KCNQ1: variants seen among roughly 807,000 people sequenced by gnomAD.
KCNQ1 encodes the protein potassium voltage-gated channel subfamily Q member 1.
A neutral mutation model predicts 72.4 loss-of-function variants in KCNQ1; 49 were observed. The observed-to-expected ratio is 0.68, with a 90% CI of 0.54 to 0.86. The LOEUF is 0.86. KCNQ1 is among the 40% of genes least tolerant of loss of function. The pLI is 0.00. For synonymous variants in KCNQ1, 450 were observed against 412.6 expected (o/e 1.09, Z -1.10); for missense variants, 790 against 945.1 (o/e 0.84, Z 2.15).
At position 2,676,009 on chromosome 11, in the gene KCNQ1, T is replaced by A; in HGVS notation, c.1514+13928T>A. ...CCCACCCAACCCTAATTCCCAAGTT[T>A]CCTTCCCTAAAGGTTACCACTCAAC... On this transcript the variant is annotated intron_variant, in intron 11 of 15. Coordinates refer to ENST00000155840, the MANE Select transcript of KCNQ1 (RefSeq NM_000218.3). This position sits in a 1 kb window ranked among gnomAD's most constrained non-coding sequence, Gnocchi z 4.2. The A allele has an allele frequency of 2.5e-6, 1 of 398,672 alleles. No individual in the cohort carries two copies. Among genetic ancestry groups the A allele is most frequent in the Admixed American group, 4.4e-5 (1 of 22,738 alleles). The allele number at this position is 398,672 out of a possible 1,614,324, so 24.7% of individuals were successfully genotyped here.
Position 2,579,933 on chromosome 11 carries a change from C to G in KCNQ1, c.922-3502C>G, listed in dbSNP as rs951086641. 4.6e-5 allele frequency among the ~76,000 whole-genome samples: 7 copies of G among 152,282 alleles called. No individual in the cohort carries two copies. Among genetic ancestry groups the G allele is most frequent in the Admixed American group, 4.6e-4 (7 of 15,304 alleles). ...CTCACCTGCTCACCTGACCCCAACTCCACTCTGACTTCCAGGCCAGCCCCA... is the reference window on the plus strand; with the variant it reads ...CTCACCTGCTCACCTGACCCCAACTGCACTCTGACTTCCAGGCCAGCCCCA... On this transcript the variant is annotated intron_variant, in intron 6 of 15. Coordinates refer to ENST00000155840, the MANE Select transcript of KCNQ1 (RefSeq NM_000218.3). This position sits in a 1 kb window ranked among gnomAD's most constrained non-coding sequence, Gnocchi z 6.0.
At chr11:2,829,610 A>C (rs747266923) in intron 15 of KCNQ1, among the ~76,000 whole-genome samples, 3 of 152,170 alleles carry the variant, frequency 2.0e-5, no homozygotes, top group Non-Finnish European at 4.4e-5. Flanking sequence ...TGGAAAGATA[A>C]GGGAGTGGGG....
rs1847923028 is a variant in KCNQ1 at position 2,830,384 on chromosome 11, G to A, written c.1795-17383G>A. ...GAGCTATGACCTGAATGATATCTTAGATGATCTCCAAGGCCCCGGGATCTA... is the reference window on the plus strand; with the variant it reads ...GAGCTATGACCTGAATGATATCTTAAATGATCTCCAAGGCCCCGGGATCTA... On this transcript the variant is annotated intron_variant, in intron 15 of 15. Coordinates refer to ENST00000155840, the MANE Select transcript of KCNQ1 (RefSeq NM_000218.3). The surrounding 1 kb of genome is among the most constrained non-coding windows in gnomAD (Gnocchi z 7.7). 6.6e-6 allele frequency among the ~76,000 whole-genome samples: 1 copy of A among 152,102 alleles called. No homozygotes were observed. Among genetic ancestry groups the A allele is most frequent in the Admixed American group, 6.5e-5 (1 of 15,268 alleles).
intron 15 of KCNQ1, among the ~76,000 whole-genome samples, chr11:2,798,003 C>G (rs1485162732): frequency 2.6e-5 from 4 of 152,206 alleles, no homozygotes; most frequent in East Asian, 1.9e-4. Flanking sequence ...CCAAGTTCAG[C>G]CCTCTCACCC....
At chr11:2,630,122 C>A in intron 10 of KCNQ1, 3 of 398,212 alleles carry the variant, frequency 7.5e-6, no homozygotes, top group Non-Finnish European at 8.9e-6. Context: ...TAGTTTTTAT[C>A]ATGGAAGGAT....
rs1261518930 is a variant in KCNQ1, at chr11:2,764,959, A to T, written c.1515-3885A>T. On this transcript the variant is annotated intron_variant, in intron 11 of 15. Transcript: ENST00000155840. This position sits in a 1 kb window ranked among gnomAD's most constrained non-coding sequence, Gnocchi z 4.8. ...TGAGAACCAAATTTTGGCTTTGTTG[A>T]TTTTCCTTAAATAATGTTCATTTTT... Among the ~76,000 whole-genome samples, 2 of 151,850 alleles carry T rather than the reference A, an allele frequency of 1.3e-5. No individual in the cohort carries two copies. The highest frequency in any genetic ancestry group is 4.8e-5 in the African/African-American group (2 of 41,310).
chr11:2,694,201 G>T, intron 11 of KCNQ1: 1 of 398,670 alleles, frequency 2.5e-6, no homozygotes, highest in Non-Finnish European at 4.4e-6. Context: ...CTTTCTCACC[G>T]AGGTGGTGAG....
intron 2 of KCNQ1, 47 bp downstream of exon 2, chr11:2,528,065 A>G: frequency 6.7e-7 from 1 of 1,494,512 alleles, no homozygotes; most frequent in Non-Finnish European, 9.3e-7. Context: ...CTGCCTTGGA[A>G]GCTGGCATCT....
In KCNQ1 at chr11:2,817,129, C is replaced by T. The variant is rs2134049062; in HGVS notation, c.1795-30638C>T. 6.6e-6 allele frequency among the ~76,000 whole-genome samples: 1 copy of T among 152,310 alleles called. No homozygotes were observed. The highest frequency in any genetic ancestry group is 1.9e-4 in the East Asian group (1 of 5,166). On this transcript the variant is annotated intron_variant, in intron 15 of 15. Coordinates refer to ENST00000155840, the MANE Select transcript of KCNQ1 (RefSeq NM_000218.3). The surrounding 1 kb of genome is among the most constrained non-coding windows in gnomAD (Gnocchi z 6.1). ...CCCAGGCCTGTGGCGCCAGCCTGCA[C>T]CCGGCTCTGCTCCACAGGCCAACTC...
chr11:2,835,362 A>G (rs1848038058), intron 15 of KCNQ1, among the ~76,000 whole-genome samples: 1 of 151,458 alleles, frequency 6.6e-6, no homozygotes, highest in Non-Finnish European at 1.5e-5. Context: ...AGAACCCAGC[A>G]TGTCTCCTGT....
chr11:2,645,714 C>A lies in KCNQ1; in HGVS notation c.1394-16247C>A, dbSNP rs1228019772. The A allele has an allele frequency of 2.5e-6, 1 of 398,652 alleles. No homozygotes were observed. Among genetic ancestry groups the A allele is most frequent in the Non-Finnish European group, 4.4e-6 (1 of 226,266 alleles). 24.7% of individuals were successfully genotyped at this position (398,652 alleles called of 1,614,324 possible). ...TGGAGGGAGCAGTCAGGAGTGGCAA[C>A]CAGCTTTGTGTAAGGGATGTCCATG... is the stretch of plus-strand genomic sequence containing the variant. On this transcript the variant is annotated intron_variant, in intron 10 of 15. Coordinates refer to ENST00000155840, the MANE Select transcript of KCNQ1 (RefSeq NM_000218.3). The surrounding 1 kb of genome is among the most constrained non-coding windows in gnomAD (Gnocchi z 5.8).
At chr11:2,591,585 A>G (rs1848671004) in intron 10 of KCNQ1, among the ~76,000 whole-genome samples, 1 of 152,248 alleles carries the variant, frequency 6.6e-6, no homozygotes, top group Non-Finnish European at 1.5e-5. Context: ...CTGGGGACCC[A>G]GCCTGTGTGC....
Position 2,690,253 on chromosome 11 carries a change from C to T in KCNQ1, c.1514+28172C>T. ...AAGCAAGTCATTCCATGTGGCTGAG[C>T]TGCTCCTTGCTGCATCTGCACATAT... On this transcript the variant is annotated intron_variant, in intron 11 of 15. Coordinates refer to ENST00000155840, the MANE Select transcript of KCNQ1 (RefSeq NM_000218.3). This position sits in a 1 kb window ranked among gnomAD's most constrained non-coding sequence, Gnocchi z 5.1. 2.5e-6 allele frequency: 1 copy of T among 398,796 alleles called. No individual in the cohort carries two copies. Among genetic ancestry groups the T allele is most frequent in the Non-Finnish European group, 4.4e-6 (1 of 226,182 alleles). 24.7% of individuals were successfully genotyped at this position (398,796 alleles called of 1,614,324 possible).
Position 2,654,958 on chromosome 11 carries a change from C to T in KCNQ1, c.1394-7003C>T, listed in dbSNP as rs1478555457. The T allele has an allele frequency of 2.5e-6, 1 of 398,468 alleles. No homozygotes were observed. The highest frequency in any genetic ancestry group is 4.4e-6 in the Non-Finnish European group (1 of 226,084). 24.7% of individuals were successfully genotyped at this position (398,468 alleles called of 1,614,324 possible). A position where few individuals can be genotyped will look rare whatever the true frequency, so the allele number is the denominator to read the frequency against. The stretch of plus-strand genomic sequence containing the variant: ...AGGAGACTTCCACAAATTATTGTTT[C>T]TTGACTTGGAAAAGTATCATGCAAA... On this transcript the variant is annotated intron_variant, in intron 10 of 15. Coordinates refer to ENST00000155840, the MANE Select transcript of KCNQ1 (RefSeq NM_000218.3). This position sits in a 1 kb window ranked among gnomAD's most constrained non-coding sequence, Gnocchi z 6.4.
At chr11:2,585,434 C>A in intron 8 of KCNQ1, 127 bp downstream of exon 8, 1 of 865,290 alleles carries the variant, frequency 1.2e-6, no homozygotes. Flanking sequence ...GTGGGGCATA[C>A]TCTGCTTGTG....
In KCNQ1 at chr11:2,613,154, T is replaced by C; in HGVS notation, c.1393+24300T>C. ...ACCCTCTGCTGAGGGGATCTATGTG[T>C]GGGTTGGGACATTCAAAGTTCAGGC... On this transcript the variant is annotated intron_variant, in intron 10 of 15. Coordinates refer to ENST00000155840, the MANE Select transcript of KCNQ1 (RefSeq NM_000218.3). The surrounding 1 kb of genome is among the most constrained non-coding windows in gnomAD (Gnocchi z 4.8). The C allele has an allele frequency of 5.0e-6, 2 of 398,604 alleles. 1 individual carries two copies. The highest frequency in any genetic ancestry group is 8.8e-6 in the Non-Finnish European group (2 of 226,078). The allele number at this position is 398,604 out of a possible 1,614,324, so 24.7% of individuals were successfully genotyped here.
chr11:2,742,194 G>A (rs1424697077), intron 11 of KCNQ1, among the ~76,000 whole-genome samples: 1 of 152,252 alleles, frequency 6.6e-6, no homozygotes, highest in African/African-American at 2.4e-5. Flanking sequence ...GACCATCCCT[G>A]CAGCGGGTGG....
rs375725704 is a variant in KCNQ1 at position 2,670,652 on chromosome 11, C to A, written c.1514+8571C>A. 2.5e-6 allele frequency: 1 copy of A among 398,578 alleles called. No homozygotes were observed. Among genetic ancestry groups the A allele is most frequent in the Non-Finnish European group, 4.4e-6 (1 of 226,098 alleles). 24.7% of individuals were successfully genotyped at this position (398,578 alleles called of 1,614,324 possible). ...TGCATGGCAGAGGCCAGGATGAACC[C>A]TGAAGATTGGTAGGAAGGCAGTGTA... is the stretch of plus-strand genomic sequence containing the variant. On this transcript the variant is annotated intron_variant, in intron 11 of 15. Coordinates refer to ENST00000155840, the MANE Select transcript of KCNQ1 (RefSeq NM_000218.3). The surrounding 1 kb of genome is among the most constrained non-coding windows in gnomAD (Gnocchi z 4.9).
Position 2,515,783 on chromosome 11 carries a change from C to T in KCNQ1, c.387-12145C>T, listed in dbSNP as rs1248321571. Among the ~76,000 whole-genome samples, 1 of 152,078 alleles carries T rather than the reference C, an allele frequency of 6.6e-6. No individual in the cohort carries two copies. Among genetic ancestry groups the T allele is most frequent in the Non-Finnish European group, 1.5e-5 (1 of 67,994 alleles). On this transcript the variant is annotated intron_variant, in intron 1 of 15. Transcript: ENST00000155840. This position sits in a 1 kb window ranked among gnomAD's most constrained non-coding sequence, Gnocchi z 4.7. ...GGGAGCCAGGCTTGGTGTGGCCGGC[C>T]CTGGGAGCACAGAGCCCCGTTCCCA...
Sources: gnomAD v4.1 joint callset for allele counts (sites outside exome capture counted in the v4.1 genomes callset) on GRCh38, gnomAD v4.1.1 for gene constraint, Gnocchi (gnomAD v3.1) non-coding constraint, MANE v1.5 for transcripts, NCBI Gene and HGNC (gene_info 2026-07-23, HGNC 2026-07-21) for gene names.